The following ZSWIM6 variants were observed in gnomAD, a reference collection of about 807,000 sequenced individuals.
ZSWIM6 encodes zinc finger SWIM-type containing 6, also known as zinc finger SWIM domain-containing protein 6.
A neutral mutation model predicts 113.2 loss-of-function variants in ZSWIM6; 9 were observed. That is an observed-to-expected ratio of 0.08 (90% CI 0.05 to 0.14). The LOEUF is 0.14. Among genes scored for constraint, ZSWIM6 ranks in the 10% least tolerant of loss-of-function variants. The pLI is 1.00. For synonymous variants in ZSWIM6, 611 were observed against 606.5 expected (o/e 1.01, Z -0.11); for missense variants, 1,162 against 1,552.2 (o/e 0.75, Z 4.22).
intron 1 of ZSWIM6, among the ~76,000 whole-genome samples, chr5:61,335,634 A>C (rs1053533931): frequency 2.0e-5 from 3 of 152,252 alleles, no homozygotes; most frequent in African/African-American, 7.2e-5. Context: ...TAGCACCATA[A>C]AGCAGTTTTC....
intron 4 of ZSWIM6, among the ~76,000 whole-genome samples, chr5:61,517,705 A>T (rs1748986848): frequency 6.6e-6 from 1 of 151,758 alleles, no homozygotes. Context: ...GGACATTTTG[A>T]ATATTGTATC....
At chr5:61,530,842 G>C (rs900665346) in intron 8 of ZSWIM6, among the ~76,000 whole-genome samples, 28 of 152,172 alleles carry the variant, frequency 1.8e-4, no homozygotes, top group African/African-American at 6.5e-4. Context: ...TGTGATAGTT[G>C]CCTTCATGGA....
At chr5:61,345,115 T>C (rs897398267) in intron 1 of ZSWIM6, among the ~76,000 whole-genome samples, 10 of 152,170 alleles carry the variant, frequency 6.6e-5, no homozygotes, top group African/African-American at 2.4e-4. Flanking sequence ...TCGGGGGTTC[T>C]TAAAATTGCT....
intron 6 of ZSWIM6, 47 bp from the exon 7 acceptor site, chr5:61,526,203 G>T: frequency 1.3e-6 from 2 of 1,513,068 alleles, no homozygotes; most frequent in Admixed American, 2.4e-5. Flanking sequence ...TTTTTTTATG[G>T]ATATATCTGA....
At chr5:61,369,940 C>T (rs1561210717) in intron 1 of ZSWIM6, among the ~76,000 whole-genome samples, 1 of 151,982 alleles carries the variant, frequency 6.6e-6, no homozygotes. Context: ...CAGATTTTAC[C>T]AAAAAACAAA....
chr5:61,462,585 A>G (rs181419265), intron 1 of ZSWIM6, among the ~76,000 whole-genome samples: 1 of 152,358 alleles, frequency 6.6e-6, no homozygotes, highest in Admixed American at 6.5e-5. Context: ...GAATGCCAGC[A>G]TGCTCCTGGG....
chr5:61,355,118 G>A (rs1474162563), intron 1 of ZSWIM6, among the ~76,000 whole-genome samples: 4 of 152,226 alleles, frequency 2.6e-5, no homozygotes, highest in South Asian at 4.2e-4. Context: ...GCCCCACTGA[G>A]TAACTGCTGC....
At chr5:61,349,642 A>G (rs1351326771) in intron 1 of ZSWIM6, among the ~76,000 whole-genome samples, 1 of 151,848 alleles carries the variant, frequency 6.6e-6, no homozygotes, top group Admixed American at 6.6e-5. Flanking sequence ...TAAGCTTGTT[A>G]ACTTGCTAGT....
chr5:61,503,285 A>T (rs908760120), intron 4 of ZSWIM6, among the ~76,000 whole-genome samples: 1 of 152,206 alleles, frequency 6.6e-6, no homozygotes, highest in South Asian at 2.1e-4. Flanking sequence ...TACCCAGGGT[A>T]ATGATACTAG....
chr5:61,397,129 C>T (rs187232692), intron 1 of ZSWIM6, among the ~76,000 whole-genome samples: 53 of 152,252 alleles, frequency 3.5e-4, no homozygotes, highest in Non-Finnish European at 6.5e-4. Flanking sequence ...TATGAAATAA[C>T]CAGGTTTTTC....
chr5:61,453,026 G>A (rs1023432570), intron 1 of ZSWIM6, among the ~76,000 whole-genome samples: 4 of 152,208 alleles, frequency 2.6e-5, no homozygotes, highest in African/African-American at 9.6e-5. Context: ...TACCACAGAA[G>A]TGATGGAGTG....
intron 1 of ZSWIM6, among the ~76,000 whole-genome samples, chr5:61,469,814 T>A (rs1747525137): frequency 6.6e-6 from 1 of 152,096 alleles, no homozygotes; most frequent in South Asian, 2.1e-4. Context: ...TTCACGCCAT[T>A]CTTCTGCCTC....
chr5:61,460,991 A>T (rs1747312864), intron 1 of ZSWIM6, among the ~76,000 whole-genome samples: 1 of 152,232 alleles, frequency 6.6e-6, no homozygotes, highest in South Asian at 2.1e-4. Context: ...CACAACAAAA[A>T]GATATAATGC....
chr5:61,379,633 T>C (rs1336921497), intron 1 of ZSWIM6, among the ~76,000 whole-genome samples: 1 of 152,196 alleles, frequency 6.6e-6, no homozygotes, highest in African/African-American at 2.4e-5. Context: ...TTCATTTCCA[T>C]TGGTTTTTGT....
chr5:61,489,105 C>T (rs1748108849), intron 2 of ZSWIM6, among the ~76,000 whole-genome samples: 1 of 151,980 alleles, frequency 6.6e-6, no homozygotes, highest in African/African-American at 2.4e-5. Flanking sequence ...GCATAGACTG[C>T]CTTTTATTTC....
intron 1 of ZSWIM6, among the ~76,000 whole-genome samples, chr5:61,371,996 A>T (rs576570771): frequency 6.6e-6 from 1 of 152,162 alleles, no homozygotes; most frequent in East Asian, 1.9e-4. Context: ...GCAGATCTTT[A>T]ATGTCTACAG....
intron 1 of ZSWIM6, among the ~76,000 whole-genome samples, chr5:61,342,662 A>C (rs926246488): frequency 6.6e-6 from 1 of 152,182 alleles, no homozygotes; most frequent in African/African-American, 2.4e-5. Flanking sequence ...AATTGTGATC[A>C]AAGGTATCAT....
chr5:61,344,205 A>G (rs746046403), intron 1 of ZSWIM6, among the ~76,000 whole-genome samples: 1 of 152,008 alleles, frequency 6.6e-6, no homozygotes, highest in Non-Finnish European at 1.5e-5. Context: ...AGGATTTTGT[A>G]TTCTTGATGC....
chr5:61,499,799 A>G (rs760151283), intron 4 of ZSWIM6, among the ~76,000 whole-genome samples: 1 of 152,204 alleles, frequency 6.6e-6, no homozygotes, highest in Non-Finnish European at 1.5e-5. Context: ...GTAGACAGGT[A>G]TCATAAAACC....
Sources: gnomAD v4.1 joint callset for allele counts (sites outside exome capture counted in the v4.1 genomes callset) on GRCh38, gnomAD v4.1.1 for gene constraint, MANE v1.5 for transcripts, NCBI Gene and HGNC (gene_info 2026-07-23, HGNC 2026-07-21) for gene names.